The following MPHOSPH6 variants were observed in gnomAD, a reference collection of about 807,000 sequenced individuals.
MPHOSPH6 encodes the protein M-phase phosphoprotein 6.
Under a neutral mutation model 21.8 loss-of-function variants are expected in MPHOSPH6, and 25 were observed. The observed-to-expected ratio is 1.15, with a 90% CI of 0.83 to 1.60. The LOEUF (loss-of-function observed/expected upper bound fraction) is 1.60, where lower values mean the gene tolerates loss of function less well. Ranked by LOEUF, MPHOSPH6 falls within the 40% of genes most tolerant of loss-of-function variation. The pLI is 0.00. For missense variants in MPHOSPH6, 269 were observed against 181.8 expected (o/e 1.48, Z -2.76); for synonymous variants, 84 against 56.5 (o/e 1.49, Z -2.18).
intron 1 of MPHOSPH6, among the ~76,000 whole-genome samples, chr16:82,165,993 A>G (rs67612167): frequency 0.65 from 98,764 of 152,174 alleles, 34,151 homozygotes; most frequent in East Asian, 0.78. Flanking sequence ...GGAAAACAGC[A>G]TGGCAGTTTC....
intron 2 of MPHOSPH6, among the ~76,000 whole-genome samples, chr16:82,155,168 T>C (rs1906389334): frequency 6.6e-6 from 1 of 152,102 alleles, no homozygotes; most frequent in Non-Finnish European, 1.5e-5. Context: ...CTCAGCAAAC[T>C]ACGAAAATAA....
At chr16:82,156,470 AT>A (rs1224219896) in intron 2 of MPHOSPH6, among the ~76,000 whole-genome samples, 7 of 152,218 alleles carry the variant, frequency 4.6e-5, no homozygotes, top group Admixed American at 2.0e-4. Context: ...TGGCCAAAAT[AT>A]TTGAAAAGGC....
chr16:82,157,775 T>G (rs914610213), intron 2 of MPHOSPH6, among the ~76,000 whole-genome samples: 1 of 152,166 alleles, frequency 6.6e-6, no homozygotes, highest in Admixed American at 6.5e-5. Context: ...AAGCAAGATA[T>G]GAGGATGCCC....
chr16:82,154,782 C>T (rs930241338), intron 2 of MPHOSPH6, among the ~76,000 whole-genome samples: 2 of 152,056 alleles, frequency 1.3e-5, no homozygotes, highest in Non-Finnish European at 2.9e-5. Flanking sequence ...GCTTCAGATC[C>T]AGATGGCTTC....
At chr16:82,149,834 G>T (rs1906206324) in intron 3 of MPHOSPH6, among the ~76,000 whole-genome samples, 1 of 151,958 alleles carries the variant, frequency 6.6e-6, no homozygotes, top group South Asian at 2.1e-4. Context: ...GGTGGTGGTG[G>T]TGAGTGGAGG....
chr16:82,149,398 C>G lies in MPHOSPH6; in HGVS notation c.261G>C (p.Leu87Phe). 1 of 1,611,668 alleles carries G rather than the reference C, an allele frequency of 6.2e-7. No individual in the cohort carries two copies. Among genetic ancestry groups the G allele is most frequent in the Non-Finnish European group, 8.5e-7 (1 of 1,179,964 alleles). The change falls in exon 4 of 5, where the codon TTG becomes TTC. Residue 87 changes from leucine to phenylalanine, a missense_variant. Transcript: ENST00000258169. ...TGTGCTTAGCATTCATCTGAAGCAT[C>G]AATTTCTGAAAAATACACCAGTGCT... ...FRGFNPEVEKLMLQMNAKHKA... is the reference protein window; with the variant it reads ...FRGFNPEVEKFMLQMNAKHKA...
intron 4 of MPHOSPH6, among the ~76,000 whole-genome samples, 167 bp from the exon 5 acceptor site, chr16:82,149,030 T>C (rs1482282509): frequency 3.3e-5 from 5 of 152,256 alleles, no homozygotes; most frequent in Admixed American, 6.5e-5. Context: ...CTAAGAGTGA[T>C]TAAATTCCTT....
At chr16:82,169,945 C>T in intron 1 of MPHOSPH6, 180 bp downstream of exon 1, 1 of 698,136 alleles carries the variant, frequency 1.4e-6, no homozygotes, top group Non-Finnish European at 2.2e-6. Context: ...CGGCCTAATT[C>T]GTAAGCTGGT....
intron 1 of MPHOSPH6, among the ~76,000 whole-genome samples, chr16:82,164,467 C>G (rs542302557): frequency 1.3e-5 from 2 of 152,356 alleles, no homozygotes; most frequent in African/African-American, 2.4e-5. Context: ...AGGTCTTGTG[C>G]TCACCCACAG....
At chr16:82,169,381 C>G (rs920453451) in intron 1 of MPHOSPH6, among the ~76,000 whole-genome samples, 1 of 152,174 alleles carries the variant, frequency 6.6e-6, no homozygotes, top group Non-Finnish European at 1.5e-5. Flanking sequence ...GCCTTCCACC[C>G]TCCCAGTAAC....
Position 82,153,259 on chromosome 16 carries a change from C to G in MPHOSPH6, c.165-1745G>C, listed in dbSNP as rs1353326783. ...ATGAAAATAAAGCAGGTTATTCCATCCCTAGCTGTAGGGGAGTAATTGGTA... is the reference window on the plus strand; with the variant it reads ...ATGAAAATAAAGCAGGTTATTCCATGCCTAGCTGTAGGGGAGTAATTGGTA... On this transcript the variant is annotated intron_variant, in intron 2 of 4. Coordinates refer to ENST00000258169, the MANE Select transcript of MPHOSPH6 (RefSeq NM_005792.2). Among the ~76,000 whole-genome samples, 2 of 152,192 alleles carry G rather than the reference C, an allele frequency of 1.3e-5. 1 individual carries two copies. Among genetic ancestry groups the G allele is most frequent in the African/African-American group, 4.8e-5 (2 of 41,444 alleles).
rs770846456 is a variant in MPHOSPH6, at chr16:82,170,185, C to T, written c.-10G>A. ...TTCGCTCGGCCGCCATGGTAGCTTC[C>T]GCCCAGCGCCGCACTCCGGCCGCGA... is the stretch of plus-strand genomic sequence containing the variant. On this transcript the variant is annotated 5_prime_UTR_variant, in exon 1 of 5. Transcript: ENST00000258169. 1 of 1,576,808 alleles carries T rather than the reference C, an allele frequency of 6.3e-7. No individual in the cohort carries two copies. The highest frequency in any genetic ancestry group is 1.1e-5 in the South Asian group (1 of 87,322).
At position 82,148,662 on chromosome 16, in the gene MPHOSPH6, T is replaced by A; in HGVS notation, c.*69A>T. 1 of 1,563,242 alleles carries A rather than the reference T, an allele frequency of 6.4e-7. No homozygotes were observed. The highest frequency in any genetic ancestry group is 8.7e-7 in the Non-Finnish European group (1 of 1,150,078). On this transcript the variant is annotated 3_prime_UTR_variant, in exon 5 of 5. Coordinates refer to ENST00000258169, the MANE Select transcript of MPHOSPH6 (RefSeq NM_005792.2). ...GTATTAATAACTATAGAGACACCAT[T>A]GGGATGAGCTCCAGATGCCCTGCTG...
intron 3 of MPHOSPH6, among the ~76,000 whole-genome samples, chr16:82,150,571 A>T (rs969462452): frequency 2.6e-5 from 4 of 152,130 alleles, no homozygotes; most frequent in Non-Finnish European, 5.9e-5. Flanking sequence ...ACTGGGGATG[A>T]TTTTCCCCAC....
In MPHOSPH6 at chr16:82,160,818, T is replaced by C. The variant is rs554338518; in HGVS notation, c.164+3264A>G. ...TTCAGGAGACACTACTCCCAAAATA[T>C]GGCATCTTGGCATACTGAAAATTTT... On this transcript the variant is annotated intron_variant, in intron 2 of 4. Transcript: ENST00000258169. 2.6e-5 allele frequency among the ~76,000 whole-genome samples: 4 copies of C among 152,250 alleles called. No homozygotes were observed. In the South Asian group the frequency reaches 6.2e-4, roughly 24 times the overall value.
chr16:82,155,813 G>T (rs966927925), intron 2 of MPHOSPH6, among the ~76,000 whole-genome samples: 1 of 151,970 alleles, frequency 6.6e-6, no homozygotes, highest in Non-Finnish European at 1.5e-5. Context: ...GCTGGGGCAG[G>T]AGAATCGCCT....
intron 2 of MPHOSPH6, among the ~76,000 whole-genome samples, chr16:82,158,553 T>G (rs568210136): frequency 4.7e-5 from 7 of 150,374 alleles, no homozygotes; most frequent in Middle Eastern, 3.5e-3. Flanking sequence ...ATAATCTAAC[T>G]GCACTTGTGT....
At chr16:82,167,853 G>T (rs934168089) in intron 1 of MPHOSPH6, among the ~76,000 whole-genome samples, 1 of 152,148 alleles carries the variant, frequency 6.6e-6, no homozygotes, top group South Asian at 2.1e-4. Context: ...GTTCCTTACA[G>T]GTCATGGACT....
At chr16:82,158,097 G>C (rs1297359016) in intron 2 of MPHOSPH6, among the ~76,000 whole-genome samples, 1 of 152,134 alleles carries the variant, frequency 6.6e-6, no homozygotes, top group African/African-American at 2.4e-5. Flanking sequence ...TTTCACATTA[G>C]AATGTTCTTG....
Sources: allele counts gnomAD v4.1 joint callset (sites outside exome capture counted in the v4.1 genomes callset), GRCh38; gene constraint gnomAD v4.1.1; transcripts MANE v1.5; gene names NCBI Gene and HGNC (gene_info 2026-07-23, HGNC 2026-07-21).